The following GAB2 variants were observed in gnomAD, a reference collection of about 807,000 sequenced individuals.
The protein encoded by GAB2 is GRB2 associated binding protein 2.
A neutral mutation model predicts 65.5 loss-of-function variants in GAB2; 26 were observed. The ratio of observed to expected loss-of-function variants is 0.40; its 90% CI spans 0.29 to 0.55. The LOEUF (loss-of-function observed/expected upper bound fraction) is 0.55, where lower values mean the gene tolerates loss of function less well. GAB2 is among the 20% of genes least tolerant of loss of function. The probability of loss-of-function intolerance (pLI) is 0.53; values close to 1 mark genes in which losing one functional copy is unlikely to be tolerated. For synonymous variants in GAB2, 321 were observed against 329.6 expected, an observed-to-expected ratio of 0.97 and a Z score of 0.28; for missense variants, 884 against 875.8, an observed-to-expected ratio of 1.01 and a Z score of -0.12.
At chr11:78,339,738 A>T (rs896571528) in intron 1 of GAB2, among the ~76,000 whole-genome samples, 12 of 152,206 alleles carry the variant, frequency 7.9e-5, no homozygotes, top group African/African-American at 2.9e-4. Context: ...CAGAGCTGAT[A>T]GGTCACCTGC....
chr11:78,263,579 G>T (rs1865793325), intron 2 of GAB2, among the ~76,000 whole-genome samples: 2 of 150,638 alleles, frequency 1.3e-5, no homozygotes, highest in African/African-American at 4.9e-5. Context: ...GTTGCAGTGA[G>T]CCGAGATCGC....
At chr11:78,266,725 G>C (rs1028034957) in intron 2 of GAB2, among the ~76,000 whole-genome samples, 1 of 152,180 alleles carries the variant, frequency 6.6e-6, no homozygotes, top group Non-Finnish European at 1.5e-5. Context: ...GAGGCAGAGA[G>C]AATCACTAAG....
chr11:78,371,570 T>G (rs150159170), intron 1 of GAB2, among the ~76,000 whole-genome samples: 1 of 152,210 alleles, frequency 6.6e-6, no homozygotes, highest in Admixed American at 6.5e-5. Flanking sequence ...CTGCCCAACA[T>G]TGTTTATATT....
chr11:78,361,580 A>G (rs1402805064), intron 1 of GAB2, among the ~76,000 whole-genome samples: 1 of 152,232 alleles, frequency 6.6e-6, no homozygotes, highest in Non-Finnish European at 1.5e-5. Flanking sequence ...CAGAAAAATA[A>G]GCAAATGTTC....
intron 2 of GAB2, among the ~76,000 whole-genome samples, chr11:78,264,082 G>T (rs1046252943): frequency 1.3e-5 from 2 of 152,112 alleles, no homozygotes; most frequent in Non-Finnish European, 2.9e-5. Flanking sequence ...TTATTGACAT[G>T]CTGTTGTGTT....
rs2134469067 is a variant in GAB2 at position 78,226,741 on chromosome 11, C to G, written c.931G>C (p.Val311Leu). The G allele has an allele frequency of 6.2e-7, 1 of 1,614,004 alleles. No homozygotes were observed. Among genetic ancestry groups the G allele is most frequent in the Non-Finnish European group, 8.5e-7 (1 of 1,179,952 alleles). Residue 311 changes from valine (V) to leucine (L), a missense_variant, in exon 4 of 10, where the codon GTA becomes CTA. Coordinates refer to ENST00000361507, the MANE Select transcript of GAB2 (RefSeq NM_080491.3). ...GTGGCCGGAACATCCATATTGTCTACCAGGAGGTCCCCGAACTCCCTGCAC... is the reference window on the plus strand; with the variant it reads ...GTGGCCGGAACATCCATATTGTCTAGCAGGAGGTCCCCGAACTCCCTGCAC... ...TLCREFGDLL[V>L]DNMDVPATPL... is the part of the protein sequence containing the mutation.
At chr11:78,414,325 T>A (rs1857166633) in intron 1 of GAB2, among the ~76,000 whole-genome samples, 1 of 152,132 alleles carries the variant, frequency 6.6e-6, no homozygotes, top group African/African-American at 2.4e-5. Flanking sequence ...TTAATAAGTA[T>A]ATTTAATAAA....
chr11:78,305,680 G>A (rs996942934), intron 1 of GAB2, among the ~76,000 whole-genome samples: 2 of 152,210 alleles, frequency 1.3e-5, no homozygotes, highest in African/African-American at 4.8e-5. Context: ...GCCTGTGCCT[G>A]AGTGGAAAAT....
intron 1 of GAB2, among the ~76,000 whole-genome samples, chr11:78,285,475 G>C (rs10793295): frequency 0.29 from 43,589 of 151,986 alleles, 7,909 homozygotes; most frequent in African/African-American, 0.5. Flanking sequence ...TCCACTTCCA[G>C]GTTTTATTTA....
intron 1 of GAB2, among the ~76,000 whole-genome samples, chr11:78,291,044 G>A (rs1380740568): frequency 6.6e-6 from 1 of 151,904 alleles, no homozygotes; most frequent in Admixed American, 6.6e-5. Context: ...AAACAGGCAT[G>A]GCTGTGTTCC....
chr11:78,235,485 A>G (rs1379160797), intron 3 of GAB2, among the ~76,000 whole-genome samples: 1 of 152,138 alleles, frequency 6.6e-6, no homozygotes, highest in East Asian at 1.9e-4. Context: ...GTCAGGTGGC[A>G]AATTTTCCGA....
At position 78,250,369 on chromosome 11, in the gene GAB2, A is replaced by T; in HGVS notation, c.408T>A (p.His136Gln). 6.2e-7 allele frequency: 1 copy of T among 1,613,484 alleles called. No individual in the cohort carries two copies. The highest frequency in any genetic ancestry group is 8.5e-7 in the Non-Finnish European group (1 of 1,179,596). ...GCTCAGCTGGAGAAGAGCGGGGGCCATGACCGGCTGAGGAAACATTTCTCA... is the reference window on the plus strand; with the variant it reads ...GCTCAGCTGGAGAAGAGCGGGGGCCTTGACCGGCTGAGGAAACATTTCTCA... ...DSLRNVSSAG[H>Q]GPRSSPAELS... The change falls in exon 3 of 10, where the codon CAT becomes CAA. Residue 136 changes from histidine (H) to glutamine (Q), a missense_variant. Coordinates refer to ENST00000361507, the MANE Select transcript of GAB2 (RefSeq NM_080491.3).
intron 3 of GAB2, 53 bp from the exon 4 acceptor site, chr11:78,227,104 T>C (rs954532220): frequency 2.4e-6 from 3 of 1,236,386 alleles, no homozygotes; most frequent in East Asian, 2.3e-5. Context: ...ACTAGCTGTG[T>C]GACCTTGAGG....
chr11:78,245,208 T>G (rs895391255), intron 3 of GAB2, among the ~76,000 whole-genome samples: 7 of 152,174 alleles, frequency 4.6e-5, no homozygotes, highest in African/African-American at 1.7e-4. Context: ...TTTGGTAAGA[T>G]GAAAAGATTT....
chr11:78,262,394 T>C (rs1482086044), intron 2 of GAB2, among the ~76,000 whole-genome samples: 1 of 152,200 alleles, frequency 6.6e-6, no homozygotes, highest in Non-Finnish European at 1.5e-5. Context: ...ACATGGGTGC[T>C]CCACAAATGG....
chr11:78,337,270 A>C (rs1332170310), intron 1 of GAB2, among the ~76,000 whole-genome samples: 1 of 152,196 alleles, frequency 6.6e-6, no homozygotes, highest in Non-Finnish European at 1.5e-5. Flanking sequence ...TTTGCCTCTT[A>C]AATCAAATGT....
intron 1 of GAB2, among the ~76,000 whole-genome samples, chr11:78,291,623 G>A (rs1446799753): frequency 3.8e-5 from 5 of 130,996 alleles, no homozygotes; most frequent in African/African-American, 1.4e-4. Context: ...CCAGACGGGA[G>A]TGCAGTGGCG....
At chr11:78,261,211 C>T (rs1221599812) in intron 2 of GAB2, among the ~76,000 whole-genome samples, 1 of 152,030 alleles carries the variant, frequency 6.6e-6, no homozygotes, top group Non-Finnish European at 1.5e-5. Context: ...TCACTTGAGC[C>T]CAGGAGGTCG....
intron 1 of GAB2, among the ~76,000 whole-genome samples, chr11:78,362,862 A>T (rs1186305378): frequency 6.6e-6 from 1 of 152,204 alleles, no homozygotes; most frequent in Non-Finnish European, 1.5e-5. Context: ...TAAGGTAAAA[A>T]GGCAAAGAGG....
Sources: allele counts gnomAD v4.1 joint callset (sites outside exome capture counted in the v4.1 genomes callset), GRCh38; gene constraint gnomAD v4.1.1; transcripts MANE v1.5; gene names NCBI Gene and HGNC (gene_info 2026-07-23, HGNC 2026-07-21).